TSPEAR: variants seen among roughly 807,000 people sequenced by gnomAD.
The protein encoded by TSPEAR is thrombospondin-type laminin G domain and EAR repeat-containing protein.
TSPEAR carries 69 observed loss-of-function variants against 71.6 expected under a neutral mutation model. The observed-to-expected ratio is 0.96, with a 90% CI of 0.79 to 1.18. The LOEUF is 1.18. Ranked by LOEUF, TSPEAR falls within the 50% of genes most tolerant of loss-of-function variation. The probability of loss-of-function intolerance (pLI) is 0.00; values close to 1 mark genes in which losing one functional copy is unlikely to be tolerated. For synonymous variants in TSPEAR, 402 were observed against 387.2 expected (o/e 1.04, Z -0.45); for missense variants, 971 against 894.9 (o/e 1.09, Z -1.09).
At chr21:44,586,026 A>G (rs931401025) in intron 1 of TSPEAR, among the ~76,000 whole-genome samples, 2 of 152,220 alleles carry the variant, frequency 1.3e-5, no homozygotes, top group Non-Finnish European at 2.9e-5. Context: ...TCATTTTGGC[A>G]TCCAGAACTT....
chr21:44,558,002 A>C, intron 2 of TSPEAR: 1 of 1,565,116 alleles, frequency 6.4e-7, no homozygotes. Context: ...GGATTTTCGG[A>C]AGTCAGAGAT....
intron 1 of TSPEAR, among the ~76,000 whole-genome samples, chr21:44,616,411 TG>T (rs1982099296): frequency 6.6e-6 from 1 of 152,198 alleles, no homozygotes; most frequent in Admixed American, 6.5e-5. Flanking sequence ...GACACAAGGC[TG>T]GGGCACTGGC....
intron 1 of TSPEAR, among the ~76,000 whole-genome samples, chr21:44,649,147 C>T (rs1000067603): frequency 3.0e-4 from 45 of 152,314 alleles, no homozygotes; most frequent in African/African-American, 9.4e-4. Flanking sequence ...TCCTGGGGAC[C>T]GGGGGAGGGT....
chr21:44,514,825 A>G (rs587719230), intron 9 of TSPEAR, among the ~76,000 whole-genome samples: 2 of 152,290 alleles, frequency 1.3e-5, no homozygotes, highest in South Asian at 4.1e-4. Flanking sequence ...CAGGCGGAAG[A>G]ATGGGACATC....
intron 9 of TSPEAR, among the ~76,000 whole-genome samples, chr21:44,510,350 G>A (rs1189984284): frequency 6.6e-6 from 1 of 152,190 alleles, no homozygotes; most frequent in Non-Finnish European, 1.5e-5. Context: ...CCGTCCGGAG[G>A]GCCTTCTGCC....
chr21:44,578,221 T>G (rs587765965), intron 1 of TSPEAR, among the ~76,000 whole-genome samples: 2 of 152,226 alleles, frequency 1.3e-5, no homozygotes, highest in African/African-American at 4.8e-5. Flanking sequence ...CTACAGAATC[T>G]GTAGATATTT....
intron 1 of TSPEAR, among the ~76,000 whole-genome samples, chr21:44,651,447 C>T (rs1984786025): frequency 6.6e-6 from 1 of 152,188 alleles, no homozygotes; most frequent in South Asian, 2.1e-4. Context: ...GTGGGTCTCA[C>T]AGGGCTAAAA....
chr21:44,601,197 G>A lies in TSPEAR; in HGVS notation c.83-33192C>T, dbSNP rs1441311832. ...GTCCCTGCTGCCAGGCGGTCTGTGA[G>A]CCCAGCCCCTGCCAATCAGGCTGCA... On this transcript the variant is annotated intron_variant, in intron 1 of 11. Transcript: ENST00000323084. The A allele has an allele frequency of 4.4e-6, 7 of 1,599,640 alleles. No homozygotes were observed. The South Asian group carries it at 4.4e-5, about 10-fold the overall frequency.
intron 2 of TSPEAR, chr21:44,539,088 T>G (rs587717851): frequency 2.5e-6 from 2 of 789,396 alleles, no homozygotes; most frequent in African/African-American, 1.7e-5. Context: ...ACAGGGGACC[T>G]AGCAGGCAGG....
chr21:44,522,840 C>T (rs879952227), intron 8 of TSPEAR, among the ~76,000 whole-genome samples: 1 of 152,244 alleles, frequency 6.6e-6, no homozygotes, highest in Non-Finnish European at 1.5e-5. Context: ...CCTGGCCATG[C>T]CAGGCACCAG....
At chr21:44,690,390 C>T (rs1222589719) in intron 1 of TSPEAR, among the ~76,000 whole-genome samples, 1 of 152,204 alleles carries the variant, frequency 6.6e-6, no homozygotes, top group Non-Finnish European at 1.5e-5. Context: ...TAGATATGTC[C>T]TCTGTTGAAA....
chr21:44,587,782 C>T (rs1241700517), intron 1 of TSPEAR, among the ~76,000 whole-genome samples: 2 of 152,220 alleles, frequency 1.3e-5, no homozygotes, highest in African/African-American at 4.8e-5. Flanking sequence ...GGAAAGGACA[C>T]TCTATTCAAC....
chr21:44,607,954 A>G (rs1981417729), intron 1 of TSPEAR, among the ~76,000 whole-genome samples: 1 of 152,234 alleles, frequency 6.6e-6, no homozygotes, highest in Admixed American at 6.5e-5. Context: ...CCATCGACAC[A>G]TGGGTCAATT....
rs782080231 is a variant in TSPEAR, at chr21:44,612,858, C to T, written c.83-44853G>A. 66 of 1,612,034 alleles carry T rather than the reference C, an allele frequency of 4.1e-5. No homozygotes were observed. Among genetic ancestry groups the T allele is most frequent in the Non-Finnish European group, 4.9e-5 (58 of 1,179,748 alleles). Reference sequence around the variant, plus strand: ...TGCCTGTCCTTCCTCTGCCGCCCCGCGTGCTCCCGCCTGGCCTGCTGAGGC... The same window carrying T: ...TGCCTGTCCTTCCTCTGCCGCCCCGTGTGCTCCCGCCTGGCCTGCTGAGGC... On this transcript the variant is annotated intron_variant, in intron 1 of 11. Coordinates refer to ENST00000323084, the MANE Select transcript of TSPEAR (RefSeq NM_144991.3). The surrounding 1 kb of genome is among the most constrained non-coding windows in gnomAD (Gnocchi z 4.1).
intron 2 of TSPEAR, among the ~76,000 whole-genome samples, chr21:44,535,904 A>G (rs2053082460): frequency 7.0e-6 from 1 of 142,248 alleles, no homozygotes; most frequent in Non-Finnish European, 1.5e-5. Context: ...ATCAAAAAAA[A>G]AAAAAGGAAA....
intron 1 of TSPEAR, among the ~76,000 whole-genome samples, chr21:44,586,709 A>T (rs782451428): frequency 4.6e-5 from 7 of 152,154 alleles, no homozygotes; most frequent in Non-Finnish European, 8.8e-5. Flanking sequence ...ATACAAATAG[A>T]ATCCCACCAG....
intron 10 of TSPEAR, chr21:44,508,667 C>T: frequency 4.2e-6 from 5 of 1,196,776 alleles, no homozygotes; most frequent in Non-Finnish European, 5.3e-6. Context: ...GGAACCATCA[C>T]TTTCTCGTAC....
At chr21:44,521,602 A>G (rs2052735821) in intron 9 of TSPEAR, among the ~76,000 whole-genome samples, 1 of 152,222 alleles carries the variant, frequency 6.6e-6, no homozygotes, top group Non-Finnish European at 1.5e-5. Context: ...ACACCATGCC[A>G]GGGTGGGGCA....
At chr21:44,554,900 G>A (rs934435729) in intron 2 of TSPEAR, among the ~76,000 whole-genome samples, 1 of 152,194 alleles carries the variant, frequency 6.6e-6, no homozygotes, top group African/African-American at 2.4e-5. Context: ...GGGTGGAACC[G>A]TGGGCTGATG....
Sources: allele counts gnomAD v4.1 joint callset (sites outside exome capture counted in the v4.1 genomes callset), GRCh38; gene constraint gnomAD v4.1.1; non-coding constraint Gnocchi (gnomAD v3.1); transcripts MANE v1.5; gene names NCBI Gene and HGNC (gene_info 2026-07-23, HGNC 2026-07-21).